FAM3B: variants seen among roughly 807,000 people sequenced by gnomAD.
FAM3B encodes FAM3 metabolism regulating signaling molecule B, also known as protein FAM3B.
Under a neutral mutation model 28.4 loss-of-function variants are expected in FAM3B, and 29 were observed. The observed-to-expected ratio is 1.02, with a 90% CI of 0.76 to 1.39. The LOEUF (loss-of-function observed/expected upper bound fraction) is 1.39, where lower values mean the gene tolerates loss of function less well. Ranked by LOEUF, FAM3B falls within the 40% of genes most tolerant of loss-of-function variation. The probability of loss-of-function intolerance (pLI) is 0.00; values close to 1 mark genes in which losing one functional copy is unlikely to be tolerated. For missense variants in FAM3B, 266 were observed against 293.9 expected (o/e 0.91, Z 0.69); for synonymous variants, 91 against 103.0 (o/e 0.88, Z 0.71).
At chr21:41,350,990 T>C (rs997311694) in intron 7 of FAM3B, among the ~76,000 whole-genome samples, 4 of 152,286 alleles carry the variant, frequency 2.6e-5, no homozygotes, top group East Asian at 1.9e-4. Context: ...GACCCCCCCA[T>C]GCACACGAGC....
At chr21:41,357,026 T>C in intron 7 of FAM3B, 82 bp from the exon 8 acceptor site, 1 of 902,422 alleles carries the variant, frequency 1.1e-6, no homozygotes, top group Non-Finnish European at 1.6e-6. Context: ...AGGAAGTGGT[T>C]GTGTCGGCTC....
chr21:41,304,317 G>A (rs1452226711), intron 1 of FAM3B: 2 of 456,114 alleles, frequency 4.4e-6, no homozygotes, highest in Non-Finnish European at 8.8e-6. Context: ...CTGGGTGAGA[G>A]GACGCGGGGC....
rs115098685 is a variant in FAM3B, at chr21:41,328,608, G to C, written c.163+5542G>C. Among the ~76,000 whole-genome samples, 473 of 152,290 alleles carry C rather than the reference G, an allele frequency of 3.1e-3. 3 individuals carry two copies. The highest frequency in any genetic ancestry group is 0.011 in the African/African-American group (441 of 41,566). On this transcript the variant is annotated intron_variant, in intron 2 of 7. Transcript: ENST00000357985. ...TCCATCCGCCTTAGCCTTCCAAAGT[G>C]CTGGAATTACAGGCATGAGCCACTG... is the stretch of plus-strand genomic sequence containing the variant.
At chr21:41,306,980 G>T (rs1159919870) in intron 1 of FAM3B, among the ~76,000 whole-genome samples, 1 of 152,188 alleles carries the variant, frequency 6.6e-6, no homozygotes, top group Non-Finnish European at 1.5e-5. Context: ...TCACCTTAAA[G>T]TCAGCCCTAA....
At chr21:41,331,074 T>C (rs1365224970) in intron 2 of FAM3B, among the ~76,000 whole-genome samples, 1 of 152,268 alleles carries the variant, frequency 6.6e-6, no homozygotes, top group East Asian at 1.9e-4. Flanking sequence ...TAGGGTTTTC[T>C]TTGCTCCACA....
At chr21:41,341,211 C>G (rs2089004474) in intron 3 of FAM3B, among the ~76,000 whole-genome samples, 1 of 152,042 alleles carries the variant, frequency 6.6e-6, no homozygotes. Context: ...TGTGGTATTC[C>G]ATAGCACGGA....
rs767712951 is a variant in FAM3B at position 41,322,699 on chromosome 21, GC to G, written c.20-221del. 4.1e-6 allele frequency: 3 copies of G among 727,436 alleles called. No individual in the cohort carries two copies. In the South Asian group the frequency reaches 4.4e-5, roughly 11 times the overall value. The allele number at this position is 727,436 out of a possible 1,614,324, so 45.1% of individuals were successfully genotyped here. On this transcript the variant is annotated intron_variant, in intron 1 of 7. Coordinates refer to ENST00000357985, the MANE Select transcript of FAM3B (RefSeq NM_058186.4). ...CCTAAACCAACAGCAAATACAACTT[GC>G]CCTGGAAAGCATTCCTGTCTTGTTT... is the stretch of plus-strand genomic sequence containing the variant.
At chr21:41,329,523 G>A (rs1436264730) in intron 2 of FAM3B, among the ~76,000 whole-genome samples, 1 of 151,846 alleles carries the variant, frequency 6.6e-6, no homozygotes, top group Non-Finnish European at 1.5e-5. Context: ...AGAGGTGCTG[G>A]CAACTTGGAT....
intron 1 of FAM3B, chr21:41,304,370 C>T (rs2088669979): frequency 4.4e-6 from 2 of 452,736 alleles, no homozygotes; most frequent in Non-Finnish European, 8.9e-6. Context: ...GACGCTGCCG[C>T]CTGCATCTGG....
chr21:41,311,254 AT>A lies in FAM3B; in HGVS notation n.99+6945del, dbSNP rs1568908551. On this transcript the variant is annotated intron_variant and non_coding_transcript_variant, in intron 1 of 9. Coordinates refer to the FAM3B transcript ENST00000479810. ...GTCTCTACAAAAAAAAAAAAAAAAT[AT>A]ATATATATATATATATATATATATA... is the stretch of plus-strand genomic sequence containing the variant. Among the ~76,000 whole-genome samples the A allele has an allele frequency of 8.3e-3, 234 of 28,148 alleles. 1 individual carries two copies. The highest frequency in any genetic ancestry group is 9.4e-3 in the Non-Finnish European group (164 of 17,378). 18.5% of individuals were successfully genotyped at this position (28,148 alleles called of 152,430 possible).
intron 2 of FAM3B, among the ~76,000 whole-genome samples, chr21:41,336,389 G>A (rs185868314): frequency 6.6e-6 from 1 of 152,274 alleles, no homozygotes; most frequent in East Asian, 1.9e-4. Flanking sequence ...AGATGTGGTG[G>A]TGCATGCCTA....
chr21:41,328,089 C>T (rs190248869), intron 2 of FAM3B, among the ~76,000 whole-genome samples: 1 of 152,204 alleles, frequency 6.6e-6, no homozygotes, highest in Non-Finnish European at 1.5e-5. Flanking sequence ...GTTAAACGAA[C>T]CATGGAGCTG....
At chr21:41,317,284 C>A (rs1243805007) in intron 1 of FAM3B, among the ~76,000 whole-genome samples, 1 of 147,144 alleles carries the variant, frequency 6.8e-6, no homozygotes, top group Non-Finnish European at 1.5e-5. Context: ...CCACGCTTCT[C>A]CTTCCGGGGA....
At chr21:41,348,853 C>A in intron 7 of FAM3B, 129 bp downstream of exon 7, 2 of 1,019,942 alleles carry the variant, frequency 2.0e-6, no homozygotes, top group Non-Finnish European at 1.5e-6. Context: ...TCCATGAGAT[C>A]AGCATTAGAT....
intron 1 of FAM3B, among the ~76,000 whole-genome samples, chr21:41,309,278 A>G (rs1310764320): frequency 6.6e-6 from 1 of 152,222 alleles, no homozygotes; most frequent in Non-Finnish European, 1.5e-5. Flanking sequence ...CTTTTCTGAC[A>G]AATGGACCAT....
chr21:41,355,013 G>C (rs449293), intron 7 of FAM3B, among the ~76,000 whole-genome samples: 62,300 of 152,124 alleles, frequency 0.41, 17,674 homozygotes, highest in African/African-American at 0.8. Context: ...GGACAAAGTT[G>C]TGAATAGATT....
chr21:41,351,963 CCTCTTCTG>C (rs2089124126), intron 7 of FAM3B, among the ~76,000 whole-genome samples: 3 of 152,202 alleles, frequency 2.0e-5, no homozygotes, highest in African/African-American at 7.2e-5. Context: ...TAGGCCTGCG[CCTCTTCTG>C]CACCCTGAAC....
At chr21:41,334,558 G>A (rs1426403846) in intron 2 of FAM3B, among the ~76,000 whole-genome samples, 1 of 152,202 alleles carries the variant, frequency 6.6e-6, no homozygotes, top group Non-Finnish European at 1.5e-5. Context: ...AAGCCTGCAG[G>A]TGCACAGAAT....
At chr21:41,307,316 A>G (rs2088687747) in intron 1 of FAM3B, among the ~76,000 whole-genome samples, 1 of 152,254 alleles carries the variant, frequency 6.6e-6, no homozygotes, top group Non-Finnish European at 1.5e-5. Context: ...GAAGAAAGTT[A>G]GGACCCTGCT....
Sources: gnomAD v4.1 joint callset for allele counts (sites outside exome capture counted in the v4.1 genomes callset) on GRCh38, gnomAD v4.1.1 for gene constraint, MANE v1.5 for transcripts, NCBI Gene and HGNC (gene_info 2026-07-23, HGNC 2026-07-21) for gene names.